The following RGS12 variants were observed in gnomAD, a reference collection of about 807,000 sequenced individuals.
RGS12 encodes regulator of G-protein signaling 12.
Under a neutral mutation model 120.1 loss-of-function variants are expected in RGS12, and 66 were observed. The ratio of observed to expected loss-of-function variants is 0.55; its 90% CI spans 0.45 to 0.67. The LOEUF is 0.67. RGS12 is among the 30% of genes least tolerant of loss of function. The pLI, the probability that RGS12 is intolerant of heterozygous loss-of-function variation, is 0.00. For synonymous variants in RGS12, 827 were observed against 804.7 expected (o/e 1.03, Z -0.47); for missense variants, 1,859 against 1,957.7 (o/e 0.95, Z 0.95).
rs1716266351 is a variant in RGS12 at position 3,366,030 on chromosome 4, G to A, written c.1999-20386G>A. On this transcript the variant is annotated intron_variant, in intron 3 of 17. Transcript: ENST00000336727. This position sits in a 1 kb window ranked among gnomAD's most constrained non-coding sequence, Gnocchi z 4.0. Reference sequence around the variant, plus strand: ...GGCTGCATGGGGCACCGTTGCGTGGGGCGTGCTCGAGGTGGAGACGGCTGT... The same window carrying A: ...GGCTGCATGGGGCACCGTTGCGTGGAGCGTGCTCGAGGTGGAGACGGCTGT... Among the ~76,000 whole-genome samples the A allele has an allele frequency of 6.6e-6, 1 of 152,294 alleles. No homozygotes were observed. The highest frequency in any genetic ancestry group is 1.9e-4 in the East Asian group (1 of 5,176).
intron 4 of RGS12, among the ~76,000 whole-genome samples, chr4:3,397,591 G>T (rs1720167211): frequency 6.6e-6 from 1 of 152,206 alleles, no homozygotes; most frequent in Admixed American, 6.5e-5. Context: ...GAGGGTGTTT[G>T]CAGAGATGGG....
At position 3,317,502 on chromosome 4, in the gene RGS12, T is replaced by C. The variant is rs183695090; in HGVS notation, c.1332T>C (p.Gly444=). The C allele has an allele frequency of 6.2e-7, 1 of 1,613,114 alleles. No individual in the cohort carries two copies. Among genetic ancestry groups the C allele is most frequent in the African/African-American group, 1.3e-5 (1 of 75,002 alleles). Residue 444 remains glycine (G), a synonymous_variant, in exon 2 of 18, where the codon GGT becomes GGC. Transcript: ENST00000336727. ...ACCGGGTCCTTGTGGTGGACCTGGG[T>C]GGGAGCTCGAGCAGACACGGCCCCG... ...KSNRVLVVDL[G]GSSSRHGPGG...
At chr4:3,403,427 G>A (rs556882435) in intron 4 of RGS12, among the ~76,000 whole-genome samples, 42 of 152,342 alleles carry the variant, frequency 2.8e-4, no homozygotes, top group African/African-American at 9.9e-4. Context: ...AGAAAGTGCT[G>A]CTGGGGATAC....
chr4:3,429,210 G>A (rs993510749), intron 16 of RGS12, among the ~76,000 whole-genome samples: 6 of 152,242 alleles, frequency 3.9e-5, no homozygotes, highest in African/African-American at 1.4e-4. Flanking sequence ...CACACCCCTG[G>A]CCTCCAGGAG....
At chr4:3,419,045 T>TAAAG (rs1722720512) in intron 9 of RGS12, 1 of 138,078 alleles carries the variant, frequency 7.2e-6, no homozygotes. Flanking sequence ...AAAAAAAAAT[T>TAAAG]AGGGGCCAGG....
intron 2 of RGS12, 118 bp from the exon 3 acceptor site, chr4:3,342,819 C>G: frequency 1.3e-6 from 1 of 785,464 alleles, no homozygotes; most frequent in Non-Finnish European, 2.1e-6. Flanking sequence ...TTAAATCTCT[C>G]TTTTTAAAAA....
At chr4:3,383,995 A>G (rs1718546325) in intron 3 of RGS12, among the ~76,000 whole-genome samples, 1 of 152,172 alleles carries the variant, frequency 6.6e-6, no homozygotes, top group African/African-American at 2.4e-5. Flanking sequence ...TGAGAATTGA[A>G]TTTTACTCAT....
chr4:3,373,071 A>G (rs1333644643), intron 3 of RGS12, among the ~76,000 whole-genome samples: 1 of 152,180 alleles, frequency 6.6e-6, no homozygotes, highest in African/African-American at 2.4e-5. Flanking sequence ...CTCGAGGCAG[A>G]CAGACGCTCA....
chr4:3,313,904 A>G (rs1724568510), intron 1 of RGS12, among the ~76,000 whole-genome samples: 4 of 152,336 alleles, frequency 2.6e-5, no homozygotes, highest in Admixed American at 1.3e-4. Flanking sequence ...ATCAGGGGCC[A>G]TCAGCCAGCC....
intron 13 of RGS12, among the ~76,000 whole-genome samples, chr4:3,425,192 C>T (rs1357384129): frequency 3.3e-5 from 5 of 152,192 alleles, no homozygotes; most frequent in East Asian, 1.9e-4. Flanking sequence ...TAGCAGCGTC[C>T]GAGGGTCAGT....
intron 4 of RGS12, among the ~76,000 whole-genome samples, chr4:3,410,467 G>A (rs554467557): frequency 1.4e-5 from 2 of 141,800 alleles, no homozygotes; most frequent in African/African-American, 5.0e-5. Flanking sequence ...GTGCCATTGT[G>A]TATTCTGTGC....
At chr4:3,313,457 G>C (rs1724535929) in intron 1 of RGS12, among the ~76,000 whole-genome samples, 1 of 152,210 alleles carries the variant, frequency 6.6e-6, no homozygotes, top group Non-Finnish European at 1.5e-5. Context: ...CGCATGTCCT[G>C]CTTTCCCTCT....
chr4:3,378,887 A>G (rs1355408986), intron 3 of RGS12, among the ~76,000 whole-genome samples: 3 of 152,180 alleles, frequency 2.0e-5, no homozygotes, highest in Non-Finnish European at 4.4e-5. Context: ...ATGATCCACT[A>G]CTGGGTATAT....
chr4:3,417,795 C>T (rs1722574325), intron 9 of RGS12: 1 of 483,398 alleles, frequency 2.1e-6, no homozygotes, highest in East Asian at 3.4e-5. Flanking sequence ...TCAGCCCATG[C>T]CTACCTCAGG....
intron 2 of RGS12, among the ~76,000 whole-genome samples, chr4:3,337,296 G>C (rs1299001820): frequency 2.0e-5 from 3 of 152,192 alleles, no homozygotes; most frequent in Non-Finnish European, 2.9e-5. Context: ...ACCCACCATG[G>C]GAAACAGTGT....
At chr4:3,349,296 G>A (rs1309018266) in intron 3 of RGS12, among the ~76,000 whole-genome samples, 1 of 152,114 alleles carries the variant, frequency 6.6e-6, no homozygotes, top group Non-Finnish European at 1.5e-5. Flanking sequence ...AAGCCTTTCT[G>A]CTTTGTTCTG....
chr4:3,423,837 A>G lies in RGS12; in HGVS notation c.3234+196A>G, dbSNP rs536401793. 1.0e-3 allele frequency: 636 copies of G among 638,000 alleles called. 1 individual carries two copies. The highest frequency in any genetic ancestry group is 1.8e-3 in the Middle Eastern group (4 of 2,164). The allele number at this position is 638,000 out of a possible 1,614,324, so 39.5% of individuals were successfully genotyped here. On this transcript the variant is annotated intron_variant, in intron 13 of 17. Coordinates refer to ENST00000336727, the MANE Select transcript of RGS12 (RefSeq NM_001394154.1). Reference sequence around the variant, plus strand: ...TGTGCAGTGGGAGCCATCATGGTTTATTTGTACCTTGGTCATTCCAAAAAG... The same window carrying G: ...TGTGCAGTGGGAGCCATCATGGTTTGTTTGTACCTTGGTCATTCCAAAAAG...
At chr4:3,437,192 G>A (rs1041424814) in intron 17 of RGS12, among the ~76,000 whole-genome samples, 2 of 152,294 alleles carry the variant, frequency 1.3e-5, no homozygotes, top group African/African-American at 4.8e-5. Context: ...ACAGGAGGGC[G>A]AGGCTGGCTC....
chr4:3,317,638 C>T lies in RGS12; in HGVS notation c.1468C>T (p.His490Tyr), dbSNP rs769061041. 16 of 1,593,402 alleles carry T rather than the reference C, an allele frequency of 1.0e-5. No individual in the cohort carries two copies. The highest frequency in any genetic ancestry group is 5.1e-5 in the Admixed American group (3 of 58,514). ...AGGGAGCCCCCCATTTGAGGCCGCT[C>T]ATCAGACTGACAGGTTCTGGGACCT... ...PEGSPPFEAAHQTDRFWDLNK... is the reference protein window; with the variant it reads ...PEGSPPFEAAYQTDRFWDLNK... Residue 490 changes from histidine (H) to tyrosine (Y), a missense_variant, in exon 2 of 18, where the codon CAT (histidine) becomes TAT (tyrosine). By Grantham distance (83) the His-to-Tyr change is moderately conservative (BLOSUM62 2). Around this residue, in one of 3 missense-constraint regions of RGS12, gnomAD observed 967 missense variants for 994.2 expected, o/e 0.97. Coordinates refer to ENST00000336727, the MANE Select transcript of RGS12 (RefSeq NM_001394154.1).
Sources: allele counts gnomAD v4.1 joint callset (sites outside exome capture counted in the v4.1 genomes callset), GRCh38; gene constraint gnomAD v4.1.1; regional missense constraint gnomAD v4.1.1; non-coding constraint Gnocchi (gnomAD v3.1); transcripts MANE v1.5; gene names NCBI Gene and HGNC (gene_info 2026-07-23, HGNC 2026-07-21).